The following NPHP4 variants were observed in gnomAD, a reference collection of about 807,000 sequenced individuals.
NPHP4 encodes the protein nephrocystin 4, also known as nephrocystin-4.
In NPHP4, 151 loss-of-function variants were observed where a neutral mutation model predicts 155.8. That is an observed-to-expected ratio of 0.97 (90% CI 0.85 to 1.11). The LOEUF is 1.11. Among genes scored for constraint, NPHP4 ranks in the 50% least tolerant of loss-of-function variants. The probability of loss-of-function intolerance (pLI) is 0.00; values close to 1 mark genes in which losing one functional copy is unlikely to be tolerated. For synonymous variants in NPHP4, 845 were observed against 816.8 expected, an observed-to-expected ratio of 1.03 and a Z score of -0.59; for missense variants, 1,956 against 1,925.7, an observed-to-expected ratio of 1.02 and a Z score of -0.29.
Position 5,871,812 on chromosome 1 carries a change from G to A in NPHP4, c.3315+1440C>T, listed in dbSNP as rs114463760. 7.6e-3 allele frequency among the ~76,000 whole-genome samples: 1,150 copies of A among 152,288 alleles called. 15 individuals are homozygous for A. Among genetic ancestry groups the A allele is most frequent in the African/African-American group, 0.026 (1,060 of 41,544 alleles). ...CGCACCAGTGGTAGAAAGGCCCGTG[G>A]TTACAGCCCCAGCAGACGATGCCGA... On this transcript the variant is annotated intron_variant, in intron 23 of 29. Transcript: ENST00000378156.
intron 2 of NPHP4, among the ~76,000 whole-genome samples, chr1:5,981,706 T>C (rs989448893): frequency 6.6e-6 from 1 of 152,256 alleles, no homozygotes; most frequent in African/African-American, 2.4e-5. Context: ...AGAATTTATA[T>C]GAATTCTATT....
chr1:5,874,820 C>A, intron 21 of NPHP4, 54 bp downstream of exon 21: 1 of 1,572,756 alleles, frequency 6.4e-7, no homozygotes. Context: ...GGGGTGCCGG[C>A]TGCACCCGAC....
intron 3 of NPHP4, among the ~76,000 whole-genome samples, chr1:5,971,352 G>C (rs886433687): frequency 6.6e-6 from 1 of 152,222 alleles, no homozygotes; most frequent in African/African-American, 2.4e-5. Flanking sequence ...AGAGTCAGCC[G>C]CTCCAAGTGC....
chr1:5,943,027 C>CA (rs1557792657), intron 9 of NPHP4, among the ~76,000 whole-genome samples: 1 of 152,126 alleles, frequency 6.6e-6, no homozygotes, highest in Non-Finnish European at 1.5e-5. Context: ...ATTTCTGGAG[C>CA]CCACACTTGC....
intron 18 of NPHP4, among the ~76,000 whole-genome samples, chr1:5,884,097 G>A (rs546214575): frequency 1.3e-5 from 2 of 152,340 alleles, no homozygotes; most frequent in East Asian, 3.9e-4. Context: ...CAAAGGCACT[G>A]CATTTCATCA....
intron 18 of NPHP4, among the ~76,000 whole-genome samples, chr1:5,885,166 C>T (rs1643679253): frequency 6.7e-6 from 1 of 150,340 alleles, no homozygotes; most frequent in East Asian, 2.0e-4. Flanking sequence ...CCCCATCCTA[C>T]TCGACAACCA....
At chr1:5,987,375 C>G (rs912099391) in intron 1 of NPHP4, among the ~76,000 whole-genome samples, 1 of 152,080 alleles carries the variant, frequency 6.6e-6, no homozygotes, top group African/African-American at 2.4e-5. Context: ...TTCCCCAAAC[C>G]CAAGGTTCAA....
At position 5,887,479 on chromosome 1, in the gene NPHP4, A is replaced by G. The variant is rs1445335172; in HGVS notation, c.2305-13T>C. Reference sequence around the variant, plus strand: ...GGCGGAGGAGATGCTGCAGAAGAGAAAAGCGCGTTCAGAGGCTGGAGCCGG... The same window carrying G: ...GGCGGAGGAGATGCTGCAGAAGAGAGAAGCGCGTTCAGAGGCTGGAGCCGG... On this transcript the variant is annotated splice_polypyrimidine_tract_variant and intron_variant, in intron 17 of 29. Transcript: ENST00000378156. 7 of 1,612,040 alleles carry G rather than the reference A, an allele frequency of 4.3e-6. No individual in the cohort carries two copies. The highest frequency in any genetic ancestry group is 5.9e-6 in the Non-Finnish European group (7 of 1,179,732).
chr1:5,978,240 G>T, intron 3 of NPHP4, 30 bp downstream of exon 3: 1 of 1,590,320 alleles, frequency 6.3e-7, no homozygotes, highest in Non-Finnish European at 8.6e-7. Context: ...CCGCCTTGGA[G>T]CAGCCCCTGC....
chr1:5,869,932 C>T lies in NPHP4; in HGVS notation c.3316-2036G>A, dbSNP rs530675139. 1.5e-4 allele frequency among the ~76,000 whole-genome samples: 23 copies of T among 152,300 alleles called. No individual in the cohort carries two copies. In the South Asian group the frequency reaches 4.6e-3, roughly 30 times the overall value. ...TGCTGCAAATTCATGGTCTTCAGCA[C>T]ACTAGAAACAGTAGTCTGTGCACAT... On this transcript the variant is annotated intron_variant, in intron 23 of 29. Transcript: ENST00000378156.
In NPHP4 at chr1:5,864,421, G is replaced by C; in HGVS notation, c.3913C>G (p.Leu1305Val). The C allele has an allele frequency of 6.2e-7, 1 of 1,611,648 alleles. No homozygotes were observed. The highest frequency in any genetic ancestry group is 1.3e-5 in the African/African-American group (1 of 75,004). Residue 1305 changes from leucine (L) to valine (V), a missense_variant, in exon 28 of 30, where the codon CTC (leucine) becomes GTC (valine). Coordinates refer to ENST00000378156, the MANE Select transcript of NPHP4 (RefSeq NM_015102.5). ...PLRAGSRFVH[L>V]NLVDVDCHQL... is the part of the protein sequence containing the mutation. ...TGGCAATCCACGTCCACCAGGTTGAGATGGACAAAGCGGCTGCCGGCCCTA... is the reference window on the plus strand; with the variant it reads ...TGGCAATCCACGTCCACCAGGTTGACATGGACAAAGCGGCTGCCGGCCCTA...
intron 11 of NPHP4, among the ~76,000 whole-genome samples, chr1:5,915,178 G>A (rs1645407530): frequency 6.6e-6 from 1 of 151,248 alleles, no homozygotes; most frequent in Admixed American, 6.6e-5. Flanking sequence ...ACTCATGGCA[G>A]CTGGTGGAAG....
Position 5,887,306 on chromosome 1 carries a change from T to C in NPHP4, c.2465A>G (p.His822Arg), listed in dbSNP as rs794727210. ...GVHSVVKGRL[H>R]LTLANVGHPC... Reference sequence around the variant, plus strand: ...CTTACCCACGTTGGCCAAAGTCAGGTGCAGCCGGCCCTTCACCACCGAGTG... The same window carrying C: ...CTTACCCACGTTGGCCAAAGTCAGGCGCAGCCGGCCCTTCACCACCGAGTG... The change falls in exon 18 of 30, where the codon CAC becomes CGC. Residue 822 changes from histidine to arginine, a missense_variant. Physicochemically the swap from His to Arg is conservative, Grantham distance 29. Transcript: ENST00000378156. The C allele has an allele frequency of 1.9e-5, 30 of 1,612,980 alleles. No homozygotes were observed. Among genetic ancestry groups the C allele is most frequent in the Non-Finnish European group, 2.5e-5 (30 of 1,179,712 alleles).
At chr1:5,874,394 G>T in intron 22 of NPHP4, 77 bp downstream of exon 22, 2 of 1,329,642 alleles carry the variant, frequency 1.5e-6, no homozygotes, top group African/African-American at 2.9e-5. Flanking sequence ...GAGGGACACT[G>T]GTGGAGACTG....
chr1:5,906,677 C>T lies in NPHP4; in HGVS notation c.1611+438G>A, dbSNP rs2101161257. On this transcript the variant is annotated intron_variant, in intron 13 of 29. Transcript: ENST00000378156. ...GAATTCCCCAAGGCCAGTGGCAATG[C>T]CAGTCTTAGCCAGGAGCACACCCTG... Among the ~76,000 whole-genome samples the T allele has an allele frequency of 2.6e-5, 4 of 152,364 alleles. No homozygotes were observed. The South Asian group carries it at 8.3e-4, about 32-fold the overall frequency.
chr1:5,938,072 G>A (rs1055269459), intron 9 of NPHP4, among the ~76,000 whole-genome samples: 28 of 152,224 alleles, frequency 1.8e-4, no homozygotes, highest in Admixed American at 1.3e-3. Flanking sequence ...AGCCGCACAC[G>A]GCGGGTGGCA....
intron 12 of NPHP4, among the ~76,000 whole-genome samples, chr1:5,908,590 G>A (rs553857136): frequency 2.6e-5 from 4 of 152,254 alleles, no homozygotes; most frequent in East Asian, 1.9e-4. Context: ...AGCTCAGACC[G>A]CTGGCGGGCA....
rs1357745990 is a variant in NPHP4 at position 5,871,785 on chromosome 1, A to T, written c.3315+1467T>A. Reference sequence around the variant, plus strand: ...CCCCAGGACAGCGGGTCCTGATCCAAACGCACCAGTGGTAGAAAGGCCCGT... The same window carrying T: ...CCCCAGGACAGCGGGTCCTGATCCATACGCACCAGTGGTAGAAAGGCCCGT... On this transcript the variant is annotated intron_variant, in intron 23 of 29. Coordinates refer to ENST00000378156, the MANE Select transcript of NPHP4 (RefSeq NM_015102.5). Among the ~76,000 whole-genome samples, 4 of 152,212 alleles carry T rather than the reference A, an allele frequency of 2.6e-5. No individual in the cohort carries two copies. In the East Asian group the frequency reaches 7.7e-4, roughly 29 times the overall value.
rs1320346508 is a variant in NPHP4 at position 5,892,446 on chromosome 1, C to T, written c.2144-1418G>A. Among the ~76,000 whole-genome samples, 2 of 152,126 alleles carry T rather than the reference C, an allele frequency of 1.3e-5. No individual in the cohort carries two copies. The highest frequency in any genetic ancestry group is 2.9e-5 in the Non-Finnish European group (2 of 68,002). The stretch of plus-strand genomic sequence containing the variant: ...AGAGCTCCTTAAGGGTGGGGCCCTG[C>T]TTGTCCAGTTCTCCCAGCACTACCC... On this transcript the variant is annotated intron_variant, in intron 16 of 29. Coordinates refer to ENST00000378156, the MANE Select transcript of NPHP4 (RefSeq NM_015102.5). This position sits in a 1 kb window ranked among gnomAD's most constrained non-coding sequence, Gnocchi z 4.5.
Sources: allele counts gnomAD v4.1 joint callset (sites outside exome capture counted in the v4.1 genomes callset), GRCh38; gene constraint gnomAD v4.1.1; non-coding constraint Gnocchi (gnomAD v3.1); transcripts MANE v1.5; gene names NCBI Gene and HGNC (gene_info 2026-07-23, HGNC 2026-07-21).